ZNF136: variants seen among roughly 807,000 people sequenced by gnomAD.
ZNF136 encodes the protein zinc finger protein 136.
ZNF136 carries 8 observed loss-of-function variants against 11.4 expected under a neutral mutation model. That is an observed-to-expected ratio of 0.70 (90% CI 0.41 to 1.27). The LOEUF (loss-of-function observed/expected upper bound fraction) is 1.27, where lower values mean the gene tolerates loss of function less well. Among genes scored for constraint, ZNF136 ranks in the 50% most tolerant of loss-of-function variants. ZNF136 has a pLI of 0.01. For missense variants in ZNF136, 590 were observed against 656.5 expected, an observed-to-expected ratio of 0.90 and a Z score of 1.11; for synonymous variants, 190 against 207.1, an observed-to-expected ratio of 0.92 and a Z score of 0.71.
At position 12,186,788 on chromosome 19, in the gene ZNF136, A is replaced by C; in HGVS notation, c.410A>C (p.Glu137Ala). The change falls in exon 4 of 4, where the codon GAG (glutamate) becomes GCG (alanine). Residue 137 changes from glutamate to alanine, a missense_variant. Glu to Ala is a moderately radical substitution (Grantham distance 107). Coordinates refer to ENST00000343979, the MANE Select transcript of ZNF136 (RefSeq NM_003437.5). ...CCAAAGGAATATCAGGAATATGGAG[A>C]GAAGCCAGATACACGTAACCAGTGT... is the stretch of plus-strand genomic sequence containing the variant. ...HEPKEYQEYG[E>A]KPDTRNQCWK... 1 of 1,614,172 alleles carries C rather than the reference A, an allele frequency of 6.2e-7. No individual in the cohort carries two copies. The highest frequency in any genetic ancestry group is 8.5e-7 in the Non-Finnish European group (1 of 1,180,028).
At chr19:12,178,374 C>T (rs895192362) in intron 1 of ZNF136, among the ~76,000 whole-genome samples, 4 of 152,204 alleles carry the variant, frequency 2.6e-5, no homozygotes, top group Non-Finnish European at 5.9e-5. Flanking sequence ...TCTGCAGTGT[C>T]TGGTTTCACC....
At chr19:12,174,194 C>A (rs1724962272) in intron 1 of ZNF136, among the ~76,000 whole-genome samples, 1 of 152,194 alleles carries the variant, frequency 6.6e-6, no homozygotes, top group Non-Finnish European at 1.5e-5. Flanking sequence ...CGTGAGCCAC[C>A]ACATTTGGCC....
chr19:12,169,995 T>C (rs935536843), intron 1 of ZNF136, among the ~76,000 whole-genome samples: 12 of 149,754 alleles, frequency 8.0e-5, no homozygotes, highest in East Asian at 3.9e-4. Flanking sequence ...GGGGTTTCAC[T>C]GTGTTAGCCA....
intron 2 of ZNF136, 57 bp downstream of exon 2, chr19:12,185,968 G>A (rs1425367434): frequency 6.2e-7 from 1 of 1,610,194 alleles, no homozygotes; most frequent in Non-Finnish European, 8.5e-7. Flanking sequence ...TTCTTGTGCA[G>A]TGATGCTGTT....
At chr19:12,173,878 G>T (rs1185983378) in intron 1 of ZNF136, among the ~76,000 whole-genome samples, 1 of 152,002 alleles carries the variant, frequency 6.6e-6, no homozygotes, top group East Asian at 1.9e-4. Context: ...GCACCCAGCA[G>T]CTATATGCTG....
In ZNF136 at chr19:12,187,250, G is replaced by T; in HGVS notation, c.872G>T (p.Cys291Phe). The change falls in exon 4 of 4, where the codon TGT (cysteine) becomes TTT (phenylalanine). Residue 291 changes from cysteine to phenylalanine, a missense_variant. Physicochemically the swap from Cys to Phe is radical, Grantham distance 205 (BLOSUM62 -2). Coordinates refer to ENST00000343979, the MANE Select transcript of ZNF136 (RefSeq NM_003437.5). ...AAGCAATGTGGTAAAGCCTTCAGTT[G>T]TTCCCCAACCTTACGAATACATGAA... is the stretch of plus-strand genomic sequence containing the variant. ...KCKQCGKAFS[C>F]SPTLRIHERT... 6.2e-7 allele frequency: 1 copy of T among 1,613,708 alleles called. No homozygotes were observed. Among genetic ancestry groups the T allele is most frequent in the South Asian group, 1.1e-5 (1 of 91,040 alleles).
Position 12,187,655 on chromosome 19 carries a change from G to A in ZNF136, c.1277G>A (p.Gly426Asp). The change falls in exon 4 of 4, where the codon GGT becomes GAT. Residue 426 changes from glycine to aspartate, a missense_variant. By Grantham distance (94) the Gly-to-Asp change is moderately conservative. Transcript: ENST00000343979. The part of the protein sequence containing the change: ...GEKPYVCKHC[G>D]KAFVSSTSIR... ...AAACCTTATGTATGTAAACATTGTG[G>A]TAAAGCTTTCGTTTCTTCAACATCA... 6.2e-7 allele frequency: 1 copy of A among 1,614,074 alleles called. No homozygotes were observed. The highest frequency in any genetic ancestry group is 8.5e-7 in the Non-Finnish European group (1 of 1,180,002).
At chr19:12,171,994 T>C (rs1259245551) in intron 1 of ZNF136, among the ~76,000 whole-genome samples, 1 of 150,922 alleles carries the variant, frequency 6.6e-6, no homozygotes, top group East Asian at 1.9e-4. Context: ...TTTTTTTTTT[T>C]TGGAGACAGA....
intron 1 of ZNF136, among the ~76,000 whole-genome samples, chr19:12,173,073 G>A (rs1390634323): frequency 1.3e-5 from 2 of 152,102 alleles, no homozygotes; most frequent in East Asian, 3.9e-4. Context: ...CAGCAGGTAG[G>A]TGGAACTATT....
intron 1 of ZNF136, among the ~76,000 whole-genome samples, chr19:12,167,981 A>G (rs1873579122): frequency 6.8e-6 from 1 of 148,100 alleles, no homozygotes; most frequent in African/African-American, 2.5e-5. Context: ...TACCTTTTCC[A>G]TTACTTCACG....
At chr19:12,182,031 C>G (rs1914956100) in intron 1 of ZNF136, among the ~76,000 whole-genome samples, 1 of 151,914 alleles carries the variant, frequency 6.6e-6, no homozygotes, top group African/African-American at 2.4e-5. Context: ...CTTGGCCTCC[C>G]AAAGTGCTGG....
At chr19:12,183,323 A>G (rs1371269335) in intron 1 of ZNF136, among the ~76,000 whole-genome samples, 1 of 151,568 alleles carries the variant, frequency 6.6e-6, no homozygotes, top group Non-Finnish European at 1.5e-5. Context: ...TTTTGTAGAG[A>G]TAGGGTTTCA....
intron 1 of ZNF136, among the ~76,000 whole-genome samples, chr19:12,173,083 T>C (rs941783484): frequency 3.9e-5 from 6 of 152,036 alleles, no homozygotes; most frequent in Non-Finnish European, 7.4e-5. Flanking sequence ...GTGGAACTAT[T>C]TGTGACACAT....
chr19:12,167,022 A>G (rs887442061), intron 1 of ZNF136, among the ~76,000 whole-genome samples: 3 of 152,240 alleles, frequency 2.0e-5, no homozygotes, highest in African/African-American at 7.2e-5. Context: ...GGAAGGGGCA[A>G]ACAGATTAGA....
intron 1 of ZNF136, among the ~76,000 whole-genome samples, chr19:12,167,776 G>A (rs148013977): frequency 6.6e-6 from 1 of 152,246 alleles, no homozygotes; most frequent in South Asian, 2.1e-4. Context: ...ATCTAAGTCT[G>A]CCCCTCAGAG....
intron 1 of ZNF136, 192 bp from the exon 2 acceptor site, chr19:12,185,593 T>C (rs1180477035): frequency 1.6e-6 from 1 of 620,738 alleles, no homozygotes; most frequent in African/African-American, 1.9e-5. Context: ...GATCAGACAC[T>C]GCTATTGTTC....
chr19:12,181,763 T>G (rs1449743129), intron 1 of ZNF136, among the ~76,000 whole-genome samples: 1 of 151,950 alleles, frequency 6.6e-6, no homozygotes, highest in Non-Finnish European at 1.5e-5. Flanking sequence ...GCCTCCCGAG[T>G]AGCTGGGACT....
chr19:12,186,042 C>G, intron 2 of ZNF136, 72 bp from the exon 3 acceptor site: 2 of 1,591,694 alleles, frequency 1.3e-6, no homozygotes, highest in South Asian at 2.3e-5. Context: ...CACAGGGTAT[C>G]ATGAACCTAG....
At chr19:12,185,245 C>T (rs1265578737) in intron 1 of ZNF136, 1 of 152,174 alleles carries the variant, frequency 6.6e-6, no homozygotes, top group Non-Finnish European at 1.5e-5. Context: ...GTGTTTTATG[C>T]TAATGAGCAG....
Sources: gnomAD v4.1 joint callset for allele counts (sites outside exome capture counted in the v4.1 genomes callset) on GRCh38, gnomAD v4.1.1 for gene constraint, MANE v1.5 for transcripts, NCBI Gene and HGNC (gene_info 2026-07-23, HGNC 2026-07-21) for gene names.